Variants in SMARCA2 observed in about 807,000 individuals in gnomAD.
The protein encoded by SMARCA2 is SWI/SNF related BAF chromatin remodeling complex subunit ATPase 2.
In SMARCA2, 61 loss-of-function variants were observed where a neutral mutation model predicts 199.8. That is an observed-to-expected ratio of 0.31 (90% CI 0.25 to 0.38). SMARCA2 has a LOEUF of 0.38. Among genes scored for constraint, SMARCA2 ranks in the 10% least tolerant of loss-of-function variants. The probability of loss-of-function intolerance (pLI) is 1.00; values close to 1 mark genes in which losing one functional copy is unlikely to be tolerated. For missense variants in SMARCA2, 1,344 were observed against 2,012.2 expected (o/e 0.67, Z 6.35); for synonymous variants, 935 against 732.0 (o/e 1.28, Z -4.48).
In SMARCA2 at chr9:2,165,213, T is replaced by G. The variant is rs377037854; in HGVS notation, c.4199+3310T>G. 4.6e-5 allele frequency among the ~76,000 whole-genome samples: 7 copies of G among 152,344 alleles called. No homozygotes were observed. The East Asian group carries it at 1.3e-3, about 29-fold the overall frequency. On this transcript the variant is annotated intron_variant, in intron 28 of 33. Coordinates refer to ENST00000349721, the MANE Select transcript of SMARCA2 (RefSeq NM_003070.5). The stretch of plus-strand genomic sequence containing the variant: ...TTAGGGCTCTGACAGTCATGTAGAT[T>G]AACAGCATATTAAATAAGAACAGCC...
At position 2,186,049 on chromosome 9, in the gene SMARCA2, T is replaced by C. The variant is rs1284236971; in HGVS notation, c.4462-47T>C. On this transcript the variant is annotated intron_variant, in intron 31 of 33. Transcript: ENST00000349721. ...TTGCATAAGGAAGAGTTCACTGCCATGGTAACTCAGCTTGCAGTTTTAACA... is the reference window on the plus strand; with the variant it reads ...TTGCATAAGGAAGAGTTCACTGCCACGGTAACTCAGCTTGCAGTTTTAACA... The C allele has an allele frequency of 5.0e-6, 8 of 1,591,048 alleles. No homozygotes were observed. In the Admixed American group the frequency reaches 1.0e-4, roughly 20 times the overall value.
At chr9:2,188,699 C>G (rs900317788) in intron 32 of SMARCA2, among the ~76,000 whole-genome samples, 10 of 152,172 alleles carry the variant, frequency 6.6e-5, no homozygotes, top group African/African-American at 1.4e-4. Context: ...ACAACACAAA[C>G]TTATTACCTC....
chr9:2,068,786 A>G (rs890885675), intron 9 of SMARCA2, among the ~76,000 whole-genome samples: 3 of 152,174 alleles, frequency 2.0e-5, no homozygotes, highest in Non-Finnish European at 4.4e-5. Flanking sequence ...TAACTTTAAA[A>G]TAGTGATTCT....
Position 2,192,859 on chromosome 9 carries a change from A to G in SMARCA2, c.*120A>G. 1 of 752,870 alleles carries G rather than the reference A, an allele frequency of 1.3e-6. No individual in the cohort carries two copies. The highest frequency in any genetic ancestry group is 2.4e-6 in the Non-Finnish European group (1 of 421,448). The allele number at this position is 752,870 out of a possible 1,614,324, so 46.6% of individuals were successfully genotyped here. ...GTTTCTATATCATCATCGTCTATAA[A>G]CTAGCTTTAGGATAGTGCCAGACAA... On this transcript the variant is annotated 3_prime_UTR_variant, in exon 34 of 34. Coordinates refer to ENST00000349721, the MANE Select transcript of SMARCA2 (RefSeq NM_003070.5).
chr9:2,170,271 C>G lies in SMARCA2; in HGVS notation c.4200-148C>G. ...CTATGTTATTTTTCCGAATGAGGTT[C>G]CAAACATAACCCCGTGTAATCTTCC... On this transcript the variant is annotated intron_variant, in intron 28 of 33. Coordinates refer to ENST00000349721, the MANE Select transcript of SMARCA2 (RefSeq NM_003070.5). The surrounding 1 kb of genome is among the most constrained non-coding windows in gnomAD (Gnocchi z 4.7). 1.1e-6 allele frequency: 1 copy of G among 906,558 alleles called. No homozygotes were observed. The allele number at this position is 906,558 out of a possible 1,614,324, so 56.2% of individuals were successfully genotyped here. A position where few individuals can be genotyped will look rare whatever the true frequency, so the allele number is the denominator to read the frequency against.
At position 2,181,638 on chromosome 9, in the gene SMARCA2, G is replaced by T; in HGVS notation, c.4321G>T (p.Glu1441Ter). 6.3e-7 allele frequency: 1 copy of T among 1,579,844 alleles called. No individual in the cohort carries two copies. Among genetic ancestry groups the T allele is most frequent in the South Asian group, 1.1e-5 (1 of 90,308 alleles). Residue 1441 changes from glutamate (E) to a stop codon, truncating the protein, a stop_gained, in exon 30 of 34, where the codon GAA becomes TAA. Coordinates refer to ENST00000349721, the MANE Select transcript of SMARCA2 (RefSeq NM_003070.5). LOFTEE classifies it high-confidence loss of function. ...PSRKELPEYY[E>*]LIRKPVDFKK... is the part of the protein sequence containing the mutation. ...AAGGAAAGAATTACCAGAATACTATGAATTAATTAGGAAGCCAGTGGATTT... is the reference window on the plus strand; with the variant it reads ...AAGGAAAGAATTACCAGAATACTATTAATTAATTAGGAAGCCAGTGGATTT...
At chr9:2,177,298 A>T (rs922758460) in intron 29 of SMARCA2, among the ~76,000 whole-genome samples, 7 of 152,194 alleles carry the variant, frequency 4.6e-5, no homozygotes, top group Non-Finnish European at 7.3e-5. Flanking sequence ...TCCAACCTCA[A>T]GTGAGTATTC....
intron 11 of SMARCA2, 105 bp downstream of exon 11, chr9:2,073,447 GA>G (rs771806562): frequency 4.0e-5 from 61 of 1,512,034 alleles, no homozygotes; most frequent in Non-Finnish European, 5.4e-5. Flanking sequence ...TGAGATGGTT[GA>G]AGTTGTTACT....
chr9:2,141,351 G>C (rs1824451273), intron 27 of SMARCA2, among the ~76,000 whole-genome samples: 1 of 152,106 alleles, frequency 6.6e-6, no homozygotes, highest in Non-Finnish European at 1.5e-5. Context: ...TATGGTTTTT[G>C]GATTTCGCAT....
At chr9:2,018,896 G>A (rs1563708838) in intron 1 of SMARCA2, among the ~76,000 whole-genome samples, 1 of 152,162 alleles carries the variant, frequency 6.6e-6, no homozygotes, top group Non-Finnish European at 1.5e-5. Context: ...AGGCTTCCAG[G>A]CTACCTCTAG....
chr9:2,039,817 A>C lies in SMARCA2; in HGVS notation c.707A>C (p.Gln236Pro), dbSNP rs1191471056. The C allele has an allele frequency of 6.2e-7, 1 of 1,606,852 alleles. No individual in the cohort carries two copies. Among genetic ancestry groups the C allele is most frequent in the Non-Finnish European group, 8.5e-7 (1 of 1,176,692 alleles). ...CAGCAGCAGCAGCAGCAGCAGCAGCAACAGCAGCCGCAGCAGCAGCCGCCG... is the reference window on the plus strand; with the variant it reads ...CAGCAGCAGCAGCAGCAGCAGCAGCCACAGCAGCCGCAGCAGCAGCCGCCG... ...QQQQQQQQQQ[Q>P]QQPQQQPPQP... Residue 236 changes from glutamine (Q) to proline (P), a missense_variant, in exon 4 of 34, where the codon CAA (glutamine) becomes CCA (proline). Around this residue, in one of 18 missense-constraint regions of SMARCA2, gnomAD observed 117 missense variants for 99.1 expected, o/e 1.18. Coordinates refer to ENST00000349721, the MANE Select transcript of SMARCA2 (RefSeq NM_003070.5). The surrounding 1 kb of genome is among the most constrained non-coding windows in gnomAD (Gnocchi z 4.8).
intron 1 of SMARCA2, among the ~76,000 whole-genome samples, chr9:2,022,540 A>G (rs1262373578): frequency 6.6e-6 from 1 of 152,244 alleles, no homozygotes; most frequent in Non-Finnish European, 1.5e-5. Context: ...GCCAGTTGAC[A>G]TTAATGAGTG....
In SMARCA2 at chr9:2,017,989, C is replaced by A. The variant is rs1818436911; in HGVS notation, c.-37+2585C>A. 1 of 152,254 alleles carries A rather than the reference C, an allele frequency of 6.6e-6. No homozygotes were observed. Among genetic ancestry groups the A allele is most frequent in the Admixed American group, 6.5e-5 (1 of 15,284 alleles). 9.4% of individuals were successfully genotyped at this position (152,254 alleles called of 1,614,324 possible). On this transcript the variant is annotated intron_variant, in intron 1 of 33. Coordinates refer to ENST00000349721, the MANE Select transcript of SMARCA2 (RefSeq NM_003070.5). The surrounding 1 kb of genome is among the most constrained non-coding windows in gnomAD (Gnocchi z 8.8). The stretch of plus-strand genomic sequence containing the variant: ...GAGGCACCATGAGGGGGAAGAAGGC[C>A]TTGCTGGCCGCTGTTGCTTGTCAGT...
At chr9:2,124,652 T>G (rs1487819435) in intron 27 of SMARCA2, among the ~76,000 whole-genome samples, 1 of 152,128 alleles carries the variant, frequency 6.6e-6, no homozygotes, top group Non-Finnish European at 1.5e-5. Flanking sequence ...TGCTTGGAAA[T>G]GTTATTCGGG....
chr9:2,056,466 G>T lies in SMARCA2; in HGVS notation c.1174-206G>T. On this transcript the variant is annotated intron_variant, in intron 6 of 33. Transcript: ENST00000349721. The surrounding 1 kb of genome is among the most constrained non-coding windows in gnomAD (Gnocchi z 4.0). ...TTGCTTTTGATTTGAATTATTTGGG[G>T]AGAAAAATCTTGTACCGTTCTTGAA... is the stretch of plus-strand genomic sequence containing the variant. 6.6e-6 allele frequency among the ~76,000 whole-genome samples: 1 copy of T among 152,150 alleles called. No homozygotes were observed. Among genetic ancestry groups the T allele is most frequent in the South Asian group, 2.1e-4 (1 of 4,828 alleles).
At chr9:2,178,073 G>T (rs142712520) in intron 29 of SMARCA2, among the ~76,000 whole-genome samples, 1 of 98,744 alleles carries the variant, frequency 1.0e-5, no homozygotes, top group East Asian at 3.0e-4. Flanking sequence ...TCAGTAGTGT[G>T]TGTATATAAG....
intron 20 of SMARCA2, chr9:2,097,022 G>A: frequency 1.9e-6 from 1 of 518,062 alleles, no homozygotes; most frequent in Non-Finnish European, 3.5e-6. Flanking sequence ...AATATATTCT[G>A]CCTAAGTGTG....
At chr9:2,097,745 G>A (rs563068351) in intron 21 of SMARCA2, among the ~76,000 whole-genome samples, 1 of 152,206 alleles carries the variant, frequency 6.6e-6, no homozygotes, top group African/African-American at 2.4e-5. Context: ...TGGCTCACTT[G>A]TGTGGGTTTG....
In SMARCA2 at chr9:2,032,695, A is replaced by G. The variant is rs539565422; in HGVS notation, c.226-257A>G. Reference sequence around the variant, plus strand: ...ACCTTGTGACCAGGACTTCATTTTCATTGCCTGTTCTGATATTACAAAAAA... The same window carrying G: ...ACCTTGTGACCAGGACTTCATTTTCGTTGCCTGTTCTGATATTACAAAAAA... On this transcript the variant is annotated intron_variant, in intron 2 of 33. Transcript: ENST00000349721. 1.1e-4 allele frequency: 35 copies of G among 310,760 alleles called. No individual in the cohort carries two copies. The South Asian group carries it at 1.7e-3, about 15-fold the overall frequency. 19.3% of individuals were successfully genotyped at this position (310,760 alleles called of 1,614,324 possible).
Sources: allele counts gnomAD v4.1 joint callset (sites outside exome capture counted in the v4.1 genomes callset), GRCh38; gene constraint gnomAD v4.1.1; regional missense constraint gnomAD v4.1.1; non-coding constraint Gnocchi (gnomAD v3.1); transcripts MANE v1.5; gene names NCBI Gene and HGNC (gene_info 2026-07-23, HGNC 2026-07-21).